Variants in SEC16A observed in about 807,000 individuals in gnomAD.
SEC16A encodes the protein SEC16 homolog A, endoplasmic reticulum export factor.
Under a neutral mutation model 221.9 loss-of-function variants are expected in SEC16A, and 110 were observed. That is an observed-to-expected ratio of 0.50 (90% CI 0.42 to 0.58). SEC16A has a LOEUF of 0.58. SEC16A is among the 20% of genes least tolerant of loss of function. SEC16A has a pLI of 0.00. For missense variants in SEC16A, 3,165 were observed against 3,097.8 expected (o/e 1.02, Z -0.52); for synonymous variants, 1,393 against 1,257.7 (o/e 1.11, Z -2.28).
chr9:136,476,930 C>A lies in SEC16A; in HGVS notation c.686G>T (p.Arg229Leu), dbSNP rs751016125. ...QGGPQPSGQH[R>L]SPCPEGPVPS... ...AACAGGTCCTTCAGGGCAGGGTGAA[C>A]GATGTTGCCCCGAGGGCTGTGGGCC... The change falls in exon 3 of 32, where the codon CGT (arginine) becomes CTT (leucine). Residue 229 changes from arginine to leucine, a missense_variant. Transcript: ENST00000684901. 5 of 1,612,078 alleles carry A rather than the reference C, an allele frequency of 3.1e-6. No individual in the cohort carries two copies. In the South Asian group the frequency reaches 5.5e-5, roughly 18 times the overall value.
intron 8 of SEC16A, among the ~76,000 whole-genome samples, chr9:136,465,667 T>C (rs761868396): frequency 1.1e-4 from 17 of 152,182 alleles, no homozygotes; most frequent in Non-Finnish European, 2.4e-4. Flanking sequence ...GGGTCTGCGA[T>C]GGGGATGTGA....
At position 136,459,597 on chromosome 9, in the gene SEC16A, C is replaced by T. The variant is rs375945523; in HGVS notation, c.5192-42G>A. ...CGACACACGGCGGGGGCTCAGCGACCGGGAGCGCTTGCAGAAGTCAAGGAC... is the reference window on the plus strand; with the variant it reads ...CGACACACGGCGGGGGCTCAGCGACTGGGAGCGCTTGCAGAAGTCAAGGAC... On this transcript the variant is annotated intron_variant, in intron 15 of 31. Coordinates refer to ENST00000684901, the MANE Select transcript of SEC16A (RefSeq NM_014866.2). The surrounding 1 kb of genome is among the most constrained non-coding windows in gnomAD (Gnocchi z 6.1). The T allele has an allele frequency of 3.6e-5, 53 of 1,491,070 alleles. 1 individual carries two copies. Among genetic ancestry groups the T allele is most frequent in the East Asian group, 4.8e-5 (2 of 41,252 alleles). 92.4% of individuals were successfully genotyped at this position (1,491,070 alleles called of 1,614,324 possible). A position where few individuals can be genotyped will look rare whatever the true frequency, so the allele number is the denominator to read the frequency against.
At chr9:136,462,510 A>G (rs565619722) in intron 12 of SEC16A, among the ~76,000 whole-genome samples, 6 of 152,194 alleles carry the variant, frequency 3.9e-5, no homozygotes, top group South Asian at 2.1e-4. Context: ...CCAACTCCCA[A>G]TGACTTCTGG....
intron 5 of SEC16A, among the ~76,000 whole-genome samples, 177 bp downstream of exon 5, chr9:136,468,238 C>G (rs1840402367): frequency 6.6e-6 from 1 of 152,196 alleles, no homozygotes; most frequent in Non-Finnish European, 1.5e-5. Context: ...ATAATTATTT[C>G]CAAATACAAA....
Position 136,454,233 on chromosome 9 carries a change from A to G in SEC16A, c.5952T>C (p.Pro1984=). ...GTGCAGGCCCTGGGGTCACACAGCC[A>G]GGACCCGGCTCCAGGGGCCCCGGGG... ...PLPPGPLEPG[P]GCVTPGPALG... Residue 1984 remains proline, a synonymous_variant, in exon 21 of 32, where the codon CCT becomes CCC. Coordinates refer to ENST00000684901, the MANE Select transcript of SEC16A (RefSeq NM_014866.2). 1 of 1,572,314 alleles carries G rather than the reference A, an allele frequency of 6.4e-7. No individual in the cohort carries two copies. The highest frequency in any genetic ancestry group is 8.6e-7 in the Non-Finnish European group (1 of 1,158,960).
At chr9:136,455,906 A>G (rs1838587695) in intron 19 of SEC16A, 113 bp from the exon 20 acceptor site, 3 of 1,245,804 alleles carry the variant, frequency 2.4e-6, no homozygotes, top group African/African-American at 3.0e-5. Context: ...GAGGCACTCA[A>G]AGCCCTTTCT....
chr9:136,461,181 T>A lies in SEC16A; in HGVS notation c.4987A>T (p.Thr1663Ser). ...CAGGCCACTGTGGGACTGTACCTGGTCATGACTCGGGCGTGTGTCCGGCTG... is the reference window on the plus strand; with the variant it reads ...CAGGCCACTGTGGGACTGTACCTGGACATGACTCGGGCGTGTGTCCGGCTG... ...MDSRTHARVMTRFANSLPIND... is the reference protein window; with the variant it reads ...MDSRTHARVMSRFANSLPIND... Residue 1663 changes from threonine to serine, a missense_variant, in exon 13 of 32, where the codon ACC becomes TCC. Physicochemically the swap from Thr to Ser is moderately conservative, Grantham distance 58 (BLOSUM62 1). Around this residue, in one of 3 missense-constraint regions of SEC16A, gnomAD observed 1,088 missense variants for 1,089.6 expected, o/e 1.00. Coordinates refer to ENST00000684901, the MANE Select transcript of SEC16A (RefSeq NM_014866.2). 6.2e-7 allele frequency: 1 copy of A among 1,603,280 alleles called. No homozygotes were observed. The highest frequency in any genetic ancestry group is 8.5e-7 in the Non-Finnish European group (1 of 1,174,988).
At position 136,440,824 on chromosome 9, in the gene SEC16A, A is replaced by G. The variant is rs1836111912; in HGVS notation, c.*931T>C. 6.6e-6 allele frequency: 1 copy of G among 152,418 alleles called. No individual in the cohort carries two copies. Among genetic ancestry groups the G allele is most frequent in the African/African-American group, 2.4e-5 (1 of 41,474 alleles). 9.4% of individuals were successfully genotyped at this position (152,418 alleles called of 1,614,324 possible). On this transcript the variant is annotated 3_prime_UTR_variant, in exon 32 of 32. Coordinates refer to ENST00000684901, the MANE Select transcript of SEC16A (RefSeq NM_014866.2). Reference sequence around the variant, plus strand: ...GGAGAAAGTGGGTCATGTGGATTGTACCACGAAAAGTGCTCACGGAAAGTG... The same window carrying G: ...GGAGAAAGTGGGTCATGTGGATTGTGCCACGAAAAGTGCTCACGGAAAGTG...
rs374237491 is a variant in SEC16A at position 136,479,438 on chromosome 9, C to T, written c.-191-608G>A. ...TGCGATCTCGGCTCACTGCAAGCTC[C>T]GCCTCCCAGGTTCATGCCATTCTCC... On this transcript the variant is annotated intron_variant, in intron 1 of 31. Transcript: ENST00000684901. Among the ~76,000 whole-genome samples the T allele has an allele frequency of 3.4e-4, 52 of 152,070 alleles. No individual in the cohort carries two copies. The East Asian group carries it at 6.0e-3, about 18-fold the overall frequency.
chr9:136,484,270 G>T (rs1214103724), upstream of SEC16A: 2 of 864,922 alleles, frequency 2.3e-6, no homozygotes, highest in Non-Finnish European at 2.9e-6. Flanking sequence ...CGCTCGGGCG[G>T]CCAGAGCGAC....
At chr9:136,448,278 C>G in intron 23 of SEC16A, 117 bp from the exon 24 acceptor site, 1 of 802,462 alleles carries the variant, frequency 1.2e-6, no homozygotes, top group South Asian at 1.4e-5. Context: ...TCGCCAGATC[C>G]ACAGAGACAC....
Position 136,445,688 on chromosome 9 carries a change from G to C in SEC16A, c.6824C>G (p.Ser2275Cys). 1 of 1,551,552 alleles carries C rather than the reference G, an allele frequency of 6.4e-7. No homozygotes were observed. The highest frequency in any genetic ancestry group is 2.4e-5 in the East Asian group (1 of 41,308). Residue 2275 changes from serine (S) to cysteine (C), a missense_variant, in exon 29 of 32, where the codon TCT becomes TGT. Coordinates refer to ENST00000684901, the MANE Select transcript of SEC16A (RefSeq NM_014866.2). ...CTCAGGCCTGGAGGAGGGGAGTTCA[G>C]AGCCAGGGAGTGACGCTGCAGAGCT... ...VLSSAASLPGSELPSSRPEGS... is the reference protein window; with the variant it reads ...VLSSAASLPGCELPSSRPEGS...
intron 4 of SEC16A, among the ~76,000 whole-genome samples, chr9:136,470,677 T>C (rs1402784960): frequency 5.9e-5 from 9 of 152,188 alleles, no homozygotes; most frequent in Non-Finnish European, 8.8e-5. Context: ...TGCATGCCCT[T>C]GGAGCCGAGT....
chr9:136,445,378 T>G (rs1836820933), intron 29 of SEC16A, among the ~76,000 whole-genome samples: 1 of 152,174 alleles, frequency 6.6e-6, no homozygotes, highest in Non-Finnish European at 1.5e-5. Context: ...CACCTCACAA[T>G]TCAAGACAAT....
At position 136,441,813 on chromosome 9, in the gene SEC16A, G is replaced by T. The variant is rs367997914; in HGVS notation, c.7016C>A (p.Thr2339Asn). 20 of 1,612,922 alleles carry T rather than the reference G, an allele frequency of 1.2e-5. No individual in the cohort carries two copies. Among genetic ancestry groups the T allele is most frequent in the Non-Finnish European group, 1.7e-5 (20 of 1,179,766 alleles). The change falls in exon 32 of 32, where the codon ACC (threonine) becomes AAC (asparagine). Residue 2339 changes from threonine to asparagine, a missense_variant. By Grantham distance (65) the Thr-to-Asn change is moderately conservative. Coordinates refer to ENST00000684901, the MANE Select transcript of SEC16A (RefSeq NM_014866.2). ...NPAQLAQACA[T>N]SGSSRLGRIG... ...CCTCCCTAGCCTTGAGCTCCCGGAG[G>T]TGGCGCAGGCCTGGAATGAAATCAA...
chr9:136,450,755 T>C (rs1016105811), intron 23 of SEC16A, among the ~76,000 whole-genome samples: 1 of 152,158 alleles, frequency 6.6e-6, no homozygotes. Flanking sequence ...TGCTCAGCAG[T>C]GTCTCCTAAA....
chr9:136,446,981 C>A (rs1837082923), intron 27 of SEC16A, 32 bp from the exon 28 acceptor site: 9 of 1,613,244 alleles, frequency 5.6e-6, no homozygotes, highest in Non-Finnish European at 7.6e-6. Context: ...GGCCATCATT[C>A]CGTCCCGAAC....
At chr9:136,451,049 C>T (rs529866692) in intron 23 of SEC16A, among the ~76,000 whole-genome samples, 1 of 152,304 alleles carries the variant, frequency 6.6e-6, no homozygotes, top group Non-Finnish European at 1.5e-5. Context: ...GCTGTGTCCC[C>T]ATGCTGACCT....
Position 136,459,604 on chromosome 9 carries a change from G to T in SEC16A, c.5192-49C>A. Reference sequence around the variant, plus strand: ...CGGCGGGGGCTCAGCGACCGGGAGCGCTTGCAGAAGTCAAGGACGCGCACA... The same window carrying T: ...CGGCGGGGGCTCAGCGACCGGGAGCTCTTGCAGAAGTCAAGGACGCGCACA... On this transcript the variant is annotated intron_variant, in intron 15 of 31. Transcript: ENST00000684901. This position sits in a 1 kb window ranked among gnomAD's most constrained non-coding sequence, Gnocchi z 6.1. 6.9e-7 allele frequency: 1 copy of T among 1,459,212 alleles called. No homozygotes were observed. Among genetic ancestry groups the T allele is most frequent in the African/African-American group, 1.4e-5 (1 of 71,070 alleles). 90.4% of individuals were successfully genotyped at this position (1,459,212 alleles called of 1,614,324 possible).
Sources: gnomAD v4.1 joint callset for allele counts (sites outside exome capture counted in the v4.1 genomes callset) on GRCh38, gnomAD v4.1.1 for gene constraint, gnomAD v4.1.1 regional missense constraint, Gnocchi (gnomAD v3.1) non-coding constraint, MANE v1.5 for transcripts, NCBI Gene and HGNC (gene_info 2026-07-23, HGNC 2026-07-21) for gene names.